MCM5: variants seen among roughly 807,000 people sequenced by gnomAD.
MCM5 encodes minichromosome maintenance complex component 5.
A neutral mutation model predicts 79.9 loss-of-function variants in MCM5; 46 were observed. The ratio of observed to expected loss-of-function variants is 0.58; its 90% CI spans 0.45 to 0.74. MCM5 has a LOEUF of 0.74. MCM5 is among the 30% of genes least tolerant of loss of function. MCM5 has a pLI of 0.00. For synonymous variants in MCM5, 404 were observed against 390.5 expected (o/e 1.03, Z -0.41); for missense variants, 883 against 1,017.0 (o/e 0.87, Z 1.79).
intron 5 of MCM5, among the ~76,000 whole-genome samples, chr22:35,407,304 C>T (rs1932247497): frequency 6.6e-6 from 1 of 152,190 alleles, no homozygotes; most frequent in Non-Finnish European, 1.5e-5. Flanking sequence ...GGCACAGCTG[C>T]CTCATTCCAT....
Position 35,415,934 on chromosome 22 carries a change from G to T in MCM5, c.1309G>T (p.Ala437Ser). The T allele has an allele frequency of 2.5e-6, 4 of 1,614,194 alleles. No homozygotes were observed. The highest frequency in any genetic ancestry group is 3.4e-6 in the Non-Finnish European group (4 of 1,180,032). Residue 437 changes from alanine (A) to serine (S), a missense_variant, in exon 10 of 17, where the codon GCC becomes TCC. Around this residue, in one of 3 missense-constraint regions of MCM5, gnomAD observed 426 missense variants for 482.3 expected, o/e 0.88. Transcript: ENST00000216122. ...FIMEGGAMVLADGGVVCIDEF... is the reference protein window; with the variant it reads ...FIMEGGAMVLSDGGVVCIDEF... ...CATGGAGGGCGGAGCCATGGTCCTG[G>T]CCGATGGTGGGGTCGTCTGTATTGA...
downstream of MCM5, among the ~76,000 whole-genome samples, chr22:35,427,522 C>T (rs1932785917): frequency 6.7e-6 from 1 of 148,400 alleles, no homozygotes. Context: ...GCTTTCAAGG[C>T]CTTTATTTTT....
At chr22:35,441,544 A>G in the MCM5 span, among the ~76,000 whole-genome samples, 1 of 152,346 alleles carries the variant, frequency 6.6e-6, no homozygotes, top group Non-Finnish European at 1.5e-5. Context: ...GTGTGGAAAC[A>G]GGCACAGGCT....
the MCM5 span, among the ~76,000 whole-genome samples, chr22:35,453,819 T>TATATATAGAG: frequency 8.9e-3 from 723 of 81,444 alleles, 7 homozygotes; most frequent in East Asian, 0.02. Flanking sequence ...TATATATATA[T>TATATATAGAG]AGAGAGAGAG....
In MCM5 at chr22:35,416,825, G is replaced by A. The variant is rs1354458922; in HGVS notation, c.1590+11G>A. ...GAGGAGAGGGATGTGGTACGTCCAG[G>A]GGCAGGGCTGGTGGCCATGGGACCT... is the stretch of plus-strand genomic sequence containing the variant. On this transcript the variant is annotated intron_variant, in intron 12 of 16. Transcript: ENST00000216122. The A allele has an allele frequency of 1.9e-6, 3 of 1,611,296 alleles. No individual in the cohort carries two copies. Among genetic ancestry groups the A allele is most frequent in the Non-Finnish European group, 2.5e-6 (3 of 1,178,466 alleles).
intron 12 of MCM5, 74 bp from the exon 13 acceptor site, chr22:35,417,670 C>A: frequency 1.9e-6 from 2 of 1,049,484 alleles, no homozygotes; most frequent in Non-Finnish European, 3.0e-6. Context: ...CTCTTTCTGG[C>A]TGTTCCACCT....
the MCM5 span, among the ~76,000 whole-genome samples, chr22:35,443,065 G>A: frequency 3.3e-5 from 5 of 152,156 alleles, no homozygotes; most frequent in African/African-American, 1.2e-4. Context: ...TTCAGCCTGA[G>A]GACCACACTC....
the MCM5 span, among the ~76,000 whole-genome samples, chr22:35,453,299 T>G: frequency 0.2 from 30,420 of 151,882 alleles, 3,458 homozygotes; most frequent in African/African-American, 0.31. Flanking sequence ...AGACAGGACA[T>G]CAGAGAGACA....
chr22:35,416,062 C>T (rs1486431430), intron 10 of MCM5, 90 bp downstream of exon 10: 11 of 1,487,530 alleles, frequency 7.4e-6, no homozygotes, highest in Non-Finnish European at 1.0e-5. Context: ...TCACCTCTGA[C>T]TTGGGAGACA....
the MCM5 span, among the ~76,000 whole-genome samples, chr22:35,431,980 G>A: frequency 6.6e-6 from 1 of 152,172 alleles, no homozygotes; most frequent in Non-Finnish European, 1.5e-5. Context: ...GGAACGTGGT[G>A]GCATTTGTTG....
rs940788401 is a variant in MCM5, at chr22:35,417,814, T to A, written c.1661T>A (p.Ile554Asn). 2 of 1,614,136 alleles carry A rather than the reference T, an allele frequency of 1.2e-6. No homozygotes were observed. The highest frequency in any genetic ancestry group is 1.7e-6 in the Non-Finnish European group (2 of 1,180,002). ...CAGACACAGGCTGTGGAGGGCGAGATTGACCTGGCCAAGCTGAAGAAGTTT... is the reference window on the plus strand; with the variant it reads ...CAGACACAGGCTGTGGAGGGCGAGAATGACCTGGCCAAGCTGAAGAAGTTT... ...LTQTQAVEGE[I>N]DLAKLKKFIA... The change falls in exon 13 of 17, where the codon ATT becomes AAT. Residue 554 changes from isoleucine (I) to asparagine (N), a missense_variant. Physicochemically the swap from Ile to Asn is moderately radical, Grantham distance 149. Around this residue, in one of 3 missense-constraint regions of MCM5, gnomAD observed 426 missense variants for 482.3 expected, o/e 0.88. Coordinates refer to ENST00000216122, the MANE Select transcript of MCM5 (RefSeq NM_006739.4).
chr22:35,408,384 ACT>A (rs771219870), intron 5 of MCM5, 22 bp from the exon 6 acceptor site: 342 of 1,592,520 alleles, frequency 2.1e-4, no homozygotes, highest in Non-Finnish European at 2.8e-4. Flanking sequence ...AGCTTTGGTG[ACT>A]CTTTTCCCTT....
At chr22:35,439,712 T>C in the MCM5 span, among the ~76,000 whole-genome samples, 2 of 152,348 alleles carry the variant, frequency 1.3e-5, no homozygotes, top group Non-Finnish European at 2.9e-5. Context: ...GGAAGTCTTA[T>C]GTTCTAATGC....
chr22:35,413,548 C>A (rs1932450061), intron 8 of MCM5, among the ~76,000 whole-genome samples: 1 of 152,184 alleles, frequency 6.6e-6, no homozygotes, highest in African/African-American at 2.4e-5. Context: ...AGCCCACAGG[C>A]AGCTCTCTGT....
Position 35,413,866 on chromosome 22 carries a change from G to A in MCM5, c.1092-9G>A, listed in dbSNP as rs371976211. 7.1e-5 allele frequency: 110 copies of A among 1,548,656 alleles called. No homozygotes were observed. The highest frequency in any genetic ancestry group is 1.9e-4 in the African/African-American group (14 of 73,564). On this transcript the variant is annotated splice_polypyrimidine_tract_variant and intron_variant, in intron 8 of 16. Coordinates refer to ENST00000216122, the MANE Select transcript of MCM5 (RefSeq NM_006739.4). ...TTCTCACCTTGTCCATCTACCCTTC[G>A]TCCCCCAGGCTCCCTGATGGACTTA...
chr22:35,403,230 A>G lies in MCM5; in HGVS notation c.191A>G (p.Asn64Ser). 6.2e-7 allele frequency: 1 copy of G among 1,614,044 alleles called. No individual in the cohort carries two copies. Residue 64 changes from asparagine to serine, a missense_variant, in exon 3 of 17, where the codon AAC (asparagine) becomes AGC (serine). Asn to Ser is a conservative substitution (Grantham distance 46, BLOSUM62 1). Coordinates refer to ENST00000216122, the MANE Select transcript of MCM5 (RefSeq NM_006739.4). ...KYRDELKRHY[N>S]LGEYWIEVEM... ...AGGGATGAACTCAAGCGGCATTACA[A>G]CCTGGGGGAGTACTGGATTGAGGTG...
At chr22:35,411,025 A>T (rs754157671) in intron 7 of MCM5, 115 bp downstream of exon 7, 6 of 899,698 alleles carry the variant, frequency 6.7e-6, no homozygotes, top group Non-Finnish European at 9.9e-6. Context: ...TGTGTTGCTC[A>T]TATCATTAGA....
chr22:35,444,470 C>T, the MCM5 span, among the ~76,000 whole-genome samples: 1 of 152,068 alleles, frequency 6.6e-6, no homozygotes, highest in Non-Finnish European at 1.5e-5. Context: ...GGGCAGGGAA[C>T]CCCATCTGGG....
At position 35,412,688 on chromosome 22, in the gene MCM5, G is replaced by T; in HGVS notation, c.1091+7G>T. The T allele has an allele frequency of 1.4e-6, 2 of 1,453,724 alleles. No individual in the cohort carries two copies. Among genetic ancestry groups the T allele is most frequent in the Non-Finnish European group, 9.2e-7 (1 of 1,091,702 alleles). 90.1% of individuals were successfully genotyped at this position (1,453,724 alleles called of 1,614,324 possible). On this transcript the variant is annotated splice_region_variant and intron_variant, in intron 8 of 16. Coordinates refer to ENST00000216122, the MANE Select transcript of MCM5 (RefSeq NM_006739.4). ...TTGGGGGCTCCCGAAAGAGGTAGGG[G>T]CTTGAGTTCCCTTGGGTTTGGGGAG...
Sources: gnomAD v4.1 joint callset for allele counts (sites outside exome capture counted in the v4.1 genomes callset) on GRCh38, gnomAD v4.1.1 for gene constraint, gnomAD v4.1.1 regional missense constraint, MANE v1.5 for transcripts, NCBI Gene and HGNC (gene_info 2026-07-23, HGNC 2026-07-21) for gene names.